SEMA6D: variants seen among roughly 807,000 people sequenced by gnomAD.
SEMA6D encodes semaphorin-6D.
A neutral mutation model predicts 106.6 loss-of-function variants in SEMA6D; 35 were observed. The observed-to-expected ratio is 0.33, with a 90% CI of 0.25 to 0.44. SEMA6D has a LOEUF of 0.44. Among genes scored for constraint, SEMA6D ranks in the 20% least tolerant of loss-of-function variants. The pLI is 1.00. For synonymous variants in SEMA6D, 499 were observed against 487.7 expected, an observed-to-expected ratio of 1.02 and a Z score of -0.31; for missense variants, 1,185 against 1,345.9, an observed-to-expected ratio of 0.88 and a Z score of 1.87.
chr15:47,750,145 G>A (rs1234022937), intron 1 of SEMA6D, among the ~76,000 whole-genome samples: 1 of 152,080 alleles, frequency 6.6e-6, no homozygotes, highest in African/African-American at 2.4e-5. Flanking sequence ...GAAAGGAAGT[G>A]GGAGAGAGAG....
chr15:47,462,207 CT>C (rs1233088566), intron 2 of SEMA6D, among the ~76,000 whole-genome samples: 1 of 151,994 alleles, frequency 6.6e-6, no homozygotes, highest in African/African-American at 2.4e-5. Context: ...TGAACTCTTA[CT>C]TGGGGTTCTT....
intron 1 of SEMA6D, among the ~76,000 whole-genome samples, chr15:47,758,594 A>G (rs2081897539): frequency 6.6e-6 from 1 of 152,218 alleles, no homozygotes; most frequent in African/African-American, 2.4e-5. Flanking sequence ...TAATGCAATT[A>G]ATGCTGTGTT....
intron 4 of SEMA6D, among the ~76,000 whole-genome samples, chr15:47,621,122 A>G (rs912479587): frequency 1.3e-5 from 2 of 152,194 alleles, no homozygotes; most frequent in African/African-American, 2.4e-5. Flanking sequence ...CTACCCTGTT[A>G]AAGTTCTAGA....
At chr15:47,449,976 G>A (rs900535067) in intron 2 of SEMA6D, among the ~76,000 whole-genome samples, 4 of 152,002 alleles carry the variant, frequency 2.6e-5, no homozygotes, top group Non-Finnish European at 4.4e-5. Flanking sequence ...GACACATCTC[G>A]ACTTCCACAA....
chr15:47,215,817 C>T (rs954800595), intron 1 of SEMA6D, among the ~76,000 whole-genome samples: 1 of 152,066 alleles, frequency 6.6e-6, no homozygotes, highest in African/African-American at 2.4e-5. Flanking sequence ...CACGTGTTGC[C>T]AAATGCTTGA....
intron 1 of SEMA6D, among the ~76,000 whole-genome samples, chr15:47,235,990 C>T (rs2032515022): frequency 6.6e-6 from 1 of 152,058 alleles, no homozygotes; most frequent in Non-Finnish European, 1.5e-5. Flanking sequence ...TTCAAGACTG[C>T]TGTTGAGCTG....
intron 3 of SEMA6D, among the ~76,000 whole-genome samples, chr15:47,556,973 A>G (rs781494930): frequency 1.8e-4 from 28 of 152,282 alleles, no homozygotes; most frequent in Admixed American, 1.0e-3. Flanking sequence ...GTACCTCATC[A>G]CTAAAATGTA....
chr15:47,186,102 T>C (rs781516940), intron 1 of SEMA6D, among the ~76,000 whole-genome samples: 8 of 152,172 alleles, frequency 5.3e-5, no homozygotes, highest in Non-Finnish European at 1.2e-4. Flanking sequence ...CATATATATA[T>C]ACACATATAT....
In SEMA6D at chr15:47,465,140, G is replaced by A. The variant is rs966491222; in HGVS notation, c.-158-5334G>A. On this transcript the variant is annotated intron_variant, in intron 2 of 19. Transcript: ENST00000558014. ...GTAGGTACTCGATAAACACAAGATC[G>A]TCTTCTGTCTTGTACTCACAGTGCT... is the stretch of plus-strand genomic sequence containing the variant. Among the ~76,000 whole-genome samples, 12 of 152,256 alleles carry A rather than the reference G, an allele frequency of 7.9e-5. No homozygotes were observed. The South Asian group carries it at 1.0e-3, about 13-fold the overall frequency.
At chr15:47,753,645 G>T (rs978548589) in intron 1 of SEMA6D, among the ~76,000 whole-genome samples, 3 of 152,172 alleles carry the variant, frequency 2.0e-5, no homozygotes, top group Non-Finnish European at 4.4e-5. Flanking sequence ...TGATTTTGAG[G>T]CTGAAGTCTC....
intron 2 of SEMA6D, among the ~76,000 whole-genome samples, chr15:47,427,975 A>G (rs1272739196): frequency 6.6e-6 from 1 of 152,168 alleles, no homozygotes; most frequent in Non-Finnish European, 1.5e-5. Flanking sequence ...ATACGAAACA[A>G]GATAATCTAA....
At chr15:47,742,780 T>C (rs1007216232) in intron 1 of SEMA6D, among the ~76,000 whole-genome samples, 1 of 152,154 alleles carries the variant, frequency 6.6e-6, no homozygotes, top group Non-Finnish European at 1.5e-5. Flanking sequence ...CCTTTCTTAC[T>C]CTGGTTGTAA....
At chr15:47,466,171 C>T (rs188185477) in intron 2 of SEMA6D, among the ~76,000 whole-genome samples, 14 of 152,240 alleles carry the variant, frequency 9.2e-5, no homozygotes, top group African/African-American at 3.1e-4. Flanking sequence ...GTGGTAAGCA[C>T]ACTTCAGATG....
intron 1 of SEMA6D, among the ~76,000 whole-genome samples, chr15:47,331,088 G>T (rs1229883048): frequency 6.6e-6 from 1 of 152,084 alleles, no homozygotes; most frequent in Non-Finnish European, 1.5e-5. Flanking sequence ...AATCTCACTG[G>T]CAAATTCTAC....
chr15:47,343,087 CT>C (rs1260171633), intron 1 of SEMA6D, among the ~76,000 whole-genome samples: 1 of 152,000 alleles, frequency 6.6e-6, no homozygotes, highest in Admixed American at 6.6e-5. Context: ...TGTTGATTTC[CT>C]TTTAATGTAA....
chr15:47,341,559 C>CAT (rs1167748123), intron 1 of SEMA6D, among the ~76,000 whole-genome samples: 1 of 152,110 alleles, frequency 6.6e-6, no homozygotes, highest in African/African-American at 2.4e-5. Context: ...AGAACCTTCC[C>CAT]ATCTATAATA....
chr15:47,733,910 G>A (rs1197715562), intron 1 of SEMA6D, among the ~76,000 whole-genome samples: 1 of 152,160 alleles, frequency 6.6e-6, no homozygotes, highest in African/African-American at 2.4e-5. Flanking sequence ...GTATTTGGAT[G>A]GCTACTTCTA....
rs181341019 is a variant in SEMA6D, at chr15:47,761,880, T to C, written c.538+129T>C. On this transcript the variant is annotated intron_variant, in intron 7 of 18. Transcript: ENST00000536845. The stretch of plus-strand genomic sequence containing the variant: ...TCTAAGTGTTCGAAAGGCTAGAATC[T>C]ATGCACAAATTTCCAAAAAAAGAAG... The C allele has an allele frequency of 1.0e-4, 82 of 801,326 alleles. No homozygotes were observed. In the African/African-American group the frequency reaches 1.3e-3, roughly 13 times the overall value. 49.6% of individuals were successfully genotyped at this position (801,326 alleles called of 1,614,324 possible).
intron 4 of SEMA6D, among the ~76,000 whole-genome samples, chr15:47,706,740 C>T (rs2078919846): frequency 1.3e-5 from 2 of 151,862 alleles, no homozygotes; most frequent in African/African-American, 4.8e-5. Context: ...TCTCTCTCTC[C>T]TCTAGATATT....
Sources: gnomAD v4.1 joint callset for allele counts (sites outside exome capture counted in the v4.1 genomes callset) on GRCh38, gnomAD v4.1.1 for gene constraint, MANE v1.5 for transcripts, NCBI Gene and HGNC (gene_info 2026-07-23, HGNC 2026-07-21) for gene names.